Variants in USP47 observed in about 807,000 individuals in gnomAD.
The protein encoded by USP47 is ubiquitin specific peptidase 47.
In USP47, 35 loss-of-function variants were observed where a neutral mutation model predicts 165.1. The ratio of observed to expected loss-of-function variants is 0.21; its 90% CI spans 0.16 to 0.28. The LOEUF is 0.28. USP47 is among the 10% of genes least tolerant of loss of function. The pLI, the probability that USP47 is intolerant of heterozygous loss-of-function variation, is 1.00. For missense variants in USP47, 1,277 were observed against 1,607.4 expected, an observed-to-expected ratio of 0.79 and a Z score of 3.52; for synonymous variants, 531 against 544.5, an observed-to-expected ratio of 0.98 and a Z score of 0.35.
At chr11:11,853,302 C>T (rs1848830814) in intron 1 of USP47, among the ~76,000 whole-genome samples, 1 of 152,122 alleles carries the variant, frequency 6.6e-6, no homozygotes, top group Admixed American at 6.5e-5. Context: ...GTATTAAGGA[C>T]CTTCTTCAGT....
intron 3 of USP47, among the ~76,000 whole-genome samples, chr11:11,886,880 CCT>C (rs1851198188): frequency 6.6e-6 from 1 of 152,040 alleles, no homozygotes; most frequent in African/African-American, 2.4e-5. Context: ...AAACAGTAGA[CCT>C]CTCAGTGGAA....
At position 11,955,260 on chromosome 11, in the gene USP47, T is replaced by C. The variant is rs187199716; in HGVS notation, c.3893+96T>C. The C allele has an allele frequency of 1.9e-5, 28 of 1,480,558 alleles. No individual in the cohort carries two copies. In the African/African-American group the frequency reaches 2.4e-4, roughly 13 times the overall value. 91.7% of individuals were successfully genotyped at this position (1,480,558 alleles called of 1,614,324 possible). A position where few individuals can be genotyped will look rare whatever the true frequency, so the allele number is the denominator to read the frequency against. ...AAATATCTTTACTGTTTTTATGATA[T>C]GGAGCGGCACTAACCGGTAGAAATA... On this transcript the variant is annotated intron_variant, in intron 27 of 27. Transcript: ENST00000527733.
chr11:11,935,616 A>G (rs1361347276), intron 16 of USP47, among the ~76,000 whole-genome samples: 2 of 151,990 alleles, frequency 1.3e-5, no homozygotes, highest in East Asian at 3.9e-4. Context: ...ACTCATAATC[A>G]CAACCTTAAA....
chr11:11,916,702 T>C (rs1181290430), intron 8 of USP47, among the ~76,000 whole-genome samples: 1 of 151,948 alleles, frequency 6.6e-6, no homozygotes, highest in Non-Finnish European at 1.5e-5. Context: ...TCCAACATAA[T>C]TGGAGTCTGT....
chr11:11,887,405 CAG>C (rs1241304500), intron 3 of USP47, among the ~76,000 whole-genome samples: 1 of 151,804 alleles, frequency 6.6e-6, no homozygotes, highest in African/African-American at 2.4e-5. Context: ...GAATGGAAAA[CAG>C]AAAAAAGCAG....
chr11:11,920,579 C>G (rs1259209506), intron 10 of USP47, 85 bp downstream of exon 10: 1 of 1,278,650 alleles, frequency 7.8e-7, no homozygotes, highest in East Asian at 2.6e-5. Context: ...GGTAATAACA[C>G]TGATGTCATT....
chr11:11,862,271 A>G (rs1375975864), intron 1 of USP47, among the ~76,000 whole-genome samples: 1 of 152,220 alleles, frequency 6.6e-6, no homozygotes, highest in African/African-American at 2.4e-5. Context: ...ATTTTTCTGA[A>G]TGAATATATT....
At position 11,959,223 on chromosome 11, in the gene USP47, A is replaced by G. The variant is rs938315892; in HGVS notation, c.*3048A>G. 2 of 152,226 alleles carry G rather than the reference A, an allele frequency of 1.3e-5. No homozygotes were observed. Among genetic ancestry groups the G allele is most frequent in the Non-Finnish European group, 1.5e-5 (1 of 68,038 alleles). The allele number at this position is 152,226 out of a possible 1,614,324, so 9.4% of individuals were successfully genotyped here. ...CTGGATTTTATTTTGTTCAGCGTCA[A>G]GGCCCTAATTTTGCAAATGTAGTCT... On this transcript the variant is annotated 3_prime_UTR_variant, in exon 28 of 28. Coordinates refer to ENST00000527733, the MANE Select transcript of USP47 (RefSeq NM_001282659.2).
chr11:11,918,888 A>G (rs1226143472), intron 8 of USP47, among the ~76,000 whole-genome samples: 1 of 151,914 alleles, frequency 6.6e-6, no homozygotes, highest in Admixed American at 6.6e-5. Context: ...TAAGCTATAG[A>G]TGTAATTTCT....
chr11:11,935,395 T>C (rs1854982512), intron 16 of USP47, among the ~76,000 whole-genome samples: 1 of 151,978 alleles, frequency 6.6e-6, no homozygotes, highest in South Asian at 2.1e-4. Flanking sequence ...TTGCTTCATT[T>C]TGGTAAAAAT....
chr11:11,848,852 G>A (rs1460769351), intron 1 of USP47, among the ~76,000 whole-genome samples: 1 of 152,038 alleles, frequency 6.6e-6, no homozygotes, highest in Non-Finnish European at 1.5e-5. Flanking sequence ...CTCGTGATAC[G>A]CCTGCCTCGG....
At chr11:11,955,554 A>T (rs1342520836) in intron 27 of USP47, among the ~76,000 whole-genome samples, 2 of 152,226 alleles carry the variant, frequency 1.3e-5, no homozygotes, top group East Asian at 3.8e-4. Flanking sequence ...ACATGTGGCT[A>T]ATGGCTGTTG....
intron 1 of USP47, among the ~76,000 whole-genome samples, chr11:11,847,177 G>A (rs937151666): frequency 2.6e-5 from 4 of 151,926 alleles, no homozygotes; most frequent in Non-Finnish European, 5.9e-5. Context: ...GGATTATTGG[G>A]ATATATATTT....
rs532564049 is a variant in USP47, at chr11:11,902,188, T to C, written c.594-527T>C. Among the ~76,000 whole-genome samples, 37 of 152,320 alleles carry C rather than the reference T, an allele frequency of 2.4e-4. No individual in the cohort carries two copies. The South Asian group carries it at 7.7e-3, about 32-fold the overall frequency. ...CAATTTGTTTAAATCAAGATCCATA[T>C]GAGCTGTATATTGCAGTTGATTAAT... On this transcript the variant is annotated intron_variant, in intron 5 of 27. Coordinates refer to ENST00000527733, the MANE Select transcript of USP47 (RefSeq NM_001282659.2).
intron 1 of USP47, among the ~76,000 whole-genome samples, chr11:11,872,618 T>A (rs1392361724): frequency 6.6e-6 from 1 of 152,180 alleles, no homozygotes; most frequent in Non-Finnish European, 1.5e-5. Context: ...TAGTTTAGAT[T>A]TGCTTATAGA....
At chr11:11,915,112 C>T (rs1853314252) in intron 8 of USP47, among the ~76,000 whole-genome samples, 1 of 152,136 alleles carries the variant, frequency 6.6e-6, no homozygotes, top group African/African-American at 2.4e-5. Flanking sequence ...GTTTAACAAA[C>T]TGTGGTTCAT....
intron 25 of USP47, 109 bp downstream of exon 25, chr11:11,952,980 A>G (rs1250535820): frequency 2.2e-6 from 2 of 929,726 alleles, no homozygotes; most frequent in African/African-American, 1.8e-5. Context: ...TGCGTAAGAG[A>G]AAACCTAGGA....
chr11:11,852,018 A>G (rs1345739751), intron 1 of USP47, among the ~76,000 whole-genome samples: 12 of 152,120 alleles, frequency 7.9e-5, no homozygotes, highest in Admixed American at 6.6e-4. Context: ...TGAAGTTACT[A>G]TTTTTCCCTT....
At chr11:11,896,090 A>G (rs1008694435) in intron 4 of USP47, among the ~76,000 whole-genome samples, 3 of 152,204 alleles carry the variant, frequency 2.0e-5, no homozygotes, top group Non-Finnish European at 4.4e-5. Flanking sequence ...TAGTACATTT[A>G]TGTGACACAG....
Sources: gnomAD v4.1 joint callset for allele counts (sites outside exome capture counted in the v4.1 genomes callset) on GRCh38, gnomAD v4.1.1 for gene constraint, MANE v1.5 for transcripts, NCBI Gene and HGNC (gene_info 2026-07-23, HGNC 2026-07-21) for gene names.